The following BACH2 variants were observed in gnomAD, a reference collection of about 807,000 sequenced individuals.
BACH2 encodes the protein transcription regulator protein BACH2.
BACH2 carries 5 observed loss-of-function variants against 61.8 expected under a neutral mutation model. The ratio of observed to expected loss-of-function variants is 0.08; its 90% CI spans 0.04 to 0.17. BACH2 has a LOEUF of 0.17. Ranked by LOEUF, BACH2 falls within the 10% of genes least tolerant of loss-of-function variation. The pLI, the probability that BACH2 is intolerant of heterozygous loss-of-function variation, is 1.00. For missense variants in BACH2, 824 were observed against 1,091.1 expected (o/e 0.76, Z 3.45); for synonymous variants, 446 against 440.1 (o/e 1.01, Z -0.17).
chr6:89,947,087 C>T (rs1773773049), intron 7 of BACH2, among the ~76,000 whole-genome samples: 1 of 152,164 alleles, frequency 6.6e-6, no homozygotes, highest in Non-Finnish European at 1.5e-5. Flanking sequence ...AAGTATTACA[C>T]TGGCGTCTGG....
intron 2 of BACH2, among the ~76,000 whole-genome samples, chr6:90,266,979 T>C (rs1771355607): frequency 6.6e-6 from 1 of 152,114 alleles, no homozygotes; most frequent in Admixed American, 6.5e-5. Flanking sequence ...CGATATACAC[T>C]ATGCCAAGCT....
rs756544902 is a variant in BACH2, at chr6:89,951,628, C to T, written c.478G>A (p.Ala160Thr). 1 of 1,614,228 alleles carries T rather than the reference C, an allele frequency of 6.2e-7. No homozygotes were observed. Among genetic ancestry groups the T allele is most frequent in the Non-Finnish European group, 8.5e-7 (1 of 1,180,056 alleles). The change falls in exon 7 of 9, where the codon GCA (alanine) becomes ACA (threonine). Residue 160 changes from alanine (A) to threonine (T), a missense_variant. This residue lies in a region of BACH2 where 107 missense variants were observed against 121.7 expected (regional missense o/e 0.88). Transcript: ENST00000257749. The surrounding 1 kb of genome is among the most constrained non-coding windows in gnomAD (Gnocchi z 6.4). ...TCCTCTTCATCCTCCTCCTCTCCTG[C>T]AGAGTTCTCGCAGTCCTCGTGTGGG... ...QRPHEDCENS[A>T]GEEEDEEEET...
At chr6:90,071,616 C>T (rs1005699291) in intron 5 of BACH2, among the ~76,000 whole-genome samples, 5 of 152,328 alleles carry the variant, frequency 3.3e-5, no homozygotes, top group African/African-American at 1.2e-4. Flanking sequence ...TCTGACTTAG[C>T]TTCACTTTCG....
intron 3 of BACH2, chr6:90,217,894 AAAT>A (rs1019215596): frequency 1.2e-3 from 177 of 152,270 alleles, no homozygotes; most frequent in African/African-American, 4.0e-3. Flanking sequence ...TGGTAGGGAA[AAAT>A]AATACCTTAC....
chr6:90,146,030 T>C (rs192614679), intron 4 of BACH2, among the ~76,000 whole-genome samples: 1 of 152,372 alleles, frequency 6.6e-6, no homozygotes, highest in Admixed American at 6.5e-5. Context: ...TGCTTTAAAA[T>C]TTTTACATTA....
At chr6:90,118,028 A>C (rs1455730591) in intron 4 of BACH2, among the ~76,000 whole-genome samples, 1 of 152,098 alleles carries the variant, frequency 6.6e-6, no homozygotes, top group African/African-American at 2.4e-5. Flanking sequence ...AATATTTTTC[A>C]TTTATGACTC....
At chr6:90,296,251 T>TCGGCG (rs1246008440) in intron 1 of BACH2, among the ~76,000 whole-genome samples, 5 of 151,696 alleles carry the variant, frequency 3.3e-5, no homozygotes, top group African/African-American at 7.3e-5. Context: ...GAGCACACAT[T>TCGGCG]CGGCGCGGCG....
intron 2 of BACH2, among the ~76,000 whole-genome samples, chr6:90,258,870 T>C (rs1771068053): frequency 6.6e-6 from 1 of 152,084 alleles, no homozygotes; most frequent in African/African-American, 2.4e-5. Flanking sequence ...CTGTAATTGG[T>C]ATGAAAAAAA....
chr6:90,075,688 T>C (rs1382564017), intron 5 of BACH2, among the ~76,000 whole-genome samples: 1 of 152,184 alleles, frequency 6.6e-6, no homozygotes, highest in South Asian at 2.1e-4. Context: ...GGAAGCCTTA[T>C]GGAGACATTT....
chr6:90,225,617 G>C (rs923477286), intron 3 of BACH2, among the ~76,000 whole-genome samples: 11 of 152,098 alleles, frequency 7.2e-5, no homozygotes, highest in South Asian at 2.1e-4. Context: ...CCTGTTAGAG[G>C]GGGGTGGGGA....
intron 4 of BACH2, among the ~76,000 whole-genome samples, chr6:90,111,638 G>A (rs1167388875): frequency 4.6e-5 from 7 of 152,174 alleles, no homozygotes; most frequent in Non-Finnish European, 5.9e-5. Flanking sequence ...CATCTCCTGT[G>A]TTAGGCATTA....
At chr6:90,213,507 C>T (rs1769426947) in intron 3 of BACH2, among the ~76,000 whole-genome samples, 1 of 152,096 alleles carries the variant, frequency 6.6e-6, no homozygotes, top group African/African-American at 2.4e-5. Context: ...TCACTGCCCA[C>T]AGAAAGCCAG....
intron 6 of BACH2, chr6:90,007,991 C>T: frequency 6.5e-6 from 1 of 153,882 alleles, no homozygotes; most frequent in Non-Finnish European, 1.4e-5. Context: ...CAACTTAAAC[C>T]ATCCAATTAA....
At chr6:90,224,573 ATG>A (rs776110124) in intron 3 of BACH2, among the ~76,000 whole-genome samples, 1 of 152,220 alleles carries the variant, frequency 6.6e-6, no homozygotes, top group Non-Finnish European at 1.5e-5. Flanking sequence ...GTCCAATTCA[ATG>A]TGCTGGTGGT....
At chr6:90,204,764 T>C (rs1769083987) in intron 4 of BACH2, among the ~76,000 whole-genome samples, 1 of 152,202 alleles carries the variant, frequency 6.6e-6, no homozygotes, top group African/African-American at 2.4e-5. Flanking sequence ...TTTGCAGCCA[T>C]GGATCTCCCC....
At chr6:90,168,097 G>T (rs919667518) in intron 4 of BACH2, among the ~76,000 whole-genome samples, 1 of 152,178 alleles carries the variant, frequency 6.6e-6, no homozygotes, top group African/African-American at 2.4e-5. Context: ...AGTGCTGCAC[G>T]CCTGTAATCT....
At chr6:90,053,954 T>G (rs1246076001) in intron 5 of BACH2, among the ~76,000 whole-genome samples, 1 of 152,146 alleles carries the variant, frequency 6.6e-6, no homozygotes, top group East Asian at 1.9e-4. Context: ...GATCAGTATT[T>G]CTCATTGAAA....
At chr6:90,221,445 G>A (rs1409451768) in intron 3 of BACH2, among the ~76,000 whole-genome samples, 1 of 152,146 alleles carries the variant, frequency 6.6e-6, no homozygotes, top group Non-Finnish European at 1.5e-5. Context: ...AAATAGCAGT[G>A]TGTATAGCAG....
intron 5 of BACH2, among the ~76,000 whole-genome samples, chr6:90,011,477 C>T (rs1286690756): frequency 6.6e-6 from 1 of 152,092 alleles, no homozygotes; most frequent in Non-Finnish European, 1.5e-5. Context: ...GTTGTTTTTA[C>T]ATTTATGAAT....
Sources: gnomAD v4.1 joint callset for allele counts (sites outside exome capture counted in the v4.1 genomes callset) on GRCh38, gnomAD v4.1.1 for gene constraint, gnomAD v4.1.1 regional missense constraint, Gnocchi (gnomAD v3.1) non-coding constraint, MANE v1.5 for transcripts, NCBI Gene and HGNC (gene_info 2026-07-23, HGNC 2026-07-21) for gene names.